The following TRPM6 variants were observed in gnomAD, a reference collection of about 807,000 sequenced individuals.
TRPM6 encodes the protein transient receptor potential cation channel subfamily M member 6.
TRPM6 carries 111 observed loss-of-function variants against 247.6 expected under a neutral mutation model. That is an observed-to-expected ratio of 0.45 (90% confidence interval 0.38 to 0.52). TRPM6 has a LOEUF of 0.52. TRPM6 is among the 20% of genes least tolerant of loss of function. TRPM6 has a pLI of 0.00. For synonymous variants in TRPM6, 892 were observed against 853.8 expected, an observed-to-expected ratio of 1.04 and a Z score of -0.78; for missense variants, 2,126 against 2,421.5, an observed-to-expected ratio of 0.88 and a Z score of 2.56.
intron 19 of TRPM6, 40 bp from the exon 20 acceptor site, chr9:74,788,782 C>A: frequency 6.2e-7 from 1 of 1,610,222 alleles, no homozygotes; most frequent in Non-Finnish European, 8.5e-7. Context: ...TGAGTGAGAG[C>A]AAGCATGGAG....
At chr9:74,729,989 T>C (rs1200301613) in intron 37 of TRPM6, among the ~76,000 whole-genome samples, 1 of 152,114 alleles carries the variant, frequency 6.6e-6, no homozygotes, top group Non-Finnish European at 1.5e-5. Flanking sequence ...TAATACCAAA[T>C]GCATATAGCA....
chr9:74,788,471 G>T, intron 20 of TRPM6, 143 bp downstream of exon 20: 1 of 958,228 alleles, frequency 1.0e-6, no homozygotes. Flanking sequence ...CCTTTATGCA[G>T]CATGTAAGTC....
chr9:74,842,250 A>G lies in TRPM6; in HGVS notation c.246T>C (p.Ser82=). Residue 82 remains serine (S), a synonymous_variant, in exon 4 of 39, where the codon TCT becomes TCC. Coordinates refer to ENST00000360774, the MANE Select transcript of TRPM6 (RefSeq NM_017662.5). ...GGCTTTTCGTTGTGTGCTTTTCAAC[A>G]GACCATTGTTCACTTTCTTTACCCT... ...AAKGKESEQW[S]VEKHTTKSPT... The G allele has an allele frequency of 6.2e-7, 1 of 1,614,206 alleles. No individual in the cohort carries two copies. Among genetic ancestry groups the G allele is most frequent in the Non-Finnish European group, 8.5e-7 (1 of 1,180,032 alleles).
chr9:74,864,826 C>A (rs1313759026), intron 1 of TRPM6, among the ~76,000 whole-genome samples: 1 of 152,144 alleles, frequency 6.6e-6, no homozygotes, highest in African/African-American at 2.4e-5. Context: ...AATCCCTGTA[C>A]TTTGGGAGGC....
intron 31 of TRPM6, among the ~76,000 whole-genome samples, chr9:74,745,741 G>A (rs1293624852): frequency 6.6e-6 from 1 of 152,206 alleles, no homozygotes; most frequent in Non-Finnish European, 1.5e-5. Context: ...ATGAGGTTGA[G>A]GGGTGGCTGG....
At chr9:74,745,518 G>A (rs1210307181) in intron 31 of TRPM6, among the ~76,000 whole-genome samples, 2 of 152,070 alleles carry the variant, frequency 1.3e-5, no homozygotes, top group Non-Finnish European at 2.9e-5. Flanking sequence ...AAAGCATGGG[G>A]AAAGGAAAGT....
chr9:74,813,874 A>T (rs1260003541), intron 11 of TRPM6, among the ~76,000 whole-genome samples: 1 of 152,246 alleles, frequency 6.6e-6, no homozygotes, highest in African/African-American at 2.4e-5. Context: ...AGGCAGGCAT[A>T]TCACCTGTGG....
At chr9:74,740,860 T>C (rs975439681) in intron 33 of TRPM6, among the ~76,000 whole-genome samples, 1 of 152,150 alleles carries the variant, frequency 6.6e-6, no homozygotes, top group African/African-American at 2.4e-5. Context: ...CTTTATATCA[T>C]AAAAAAACTT....
intron 27 of TRPM6, among the ~76,000 whole-genome samples, chr9:74,760,321 A>G (rs1160985946): frequency 6.6e-6 from 1 of 152,166 alleles, no homozygotes; most frequent in Admixed American, 6.6e-5. Flanking sequence ...CTATGTTTAG[A>G]TATGCTTAGA....
chr9:74,775,414 T>C (rs1827185139), intron 24 of TRPM6, among the ~76,000 whole-genome samples: 1 of 152,140 alleles, frequency 6.6e-6, no homozygotes, highest in Admixed American at 6.6e-5. Context: ...CCATGCTCAG[T>C]AGATTAGAGA....
At chr9:74,778,390 A>G (rs932827798) in intron 23 of TRPM6, among the ~76,000 whole-genome samples, 22 of 152,146 alleles carry the variant, frequency 1.4e-4, no homozygotes, top group African/African-American at 5.3e-4. Flanking sequence ...AAAATCAGCT[A>G]TTATGTTTGA....
intron 25 of TRPM6, among the ~76,000 whole-genome samples, chr9:74,764,373 T>C (rs1033550966): frequency 6.6e-6 from 1 of 152,104 alleles, no homozygotes; most frequent in African/African-American, 2.4e-5. Context: ...GTCCTTATAA[T>C]GTGAAATCCT....
intron 1 of TRPM6, chr9:74,875,268 T>G: frequency 2.2e-6 from 1 of 455,084 alleles, no homozygotes. Flanking sequence ...GAGGGCTGGG[T>G]GTGGTGACTC....
Position 74,762,419 on chromosome 9 carries a change from C to G in TRPM6, c.4252G>C (p.Asp1418His), listed in dbSNP as rs747082812. The G allele has an allele frequency of 3.1e-6, 5 of 1,614,200 alleles. 1 individual carries two copies. Among genetic ancestry groups the G allele is most frequent in the Middle Eastern group, 1.6e-4 (1 of 6,062 alleles). The change falls in exon 26 of 39, where the codon GAC becomes CAC. Residue 1418 changes from aspartate (D) to histidine (H), a missense_variant. Asp to His is a moderately conservative substitution (Grantham distance 81). This residue lies in a region of TRPM6 where 717 missense variants were observed against 715.9 expected (regional missense o/e 1.00). Coordinates refer to ENST00000360774, the MANE Select transcript of TRPM6 (RefSeq NM_017662.5). ...GTGGGTAGCACTTGCTCTGCCTTGT[C>G]TTGTCCATCCAGTAAGTGAGCAATA... is the stretch of plus-strand genomic sequence containing the variant. ...EPIAHLLDGQ[D>H]KAEQVLPTLS...
chr9:74,855,481 T>C, intron 3 of TRPM6, 46 bp downstream of exon 3: 3 of 1,383,708 alleles, frequency 2.2e-6, no homozygotes, highest in Non-Finnish European at 3.1e-6. Context: ...GAATTTTAAA[T>C]AGGGTGCCTA....
At chr9:74,732,582 C>T in intron 37 of TRPM6, 103 bp downstream of exon 37, 1 of 885,896 alleles carries the variant, frequency 1.1e-6, no homozygotes, top group Non-Finnish European at 1.8e-6. Flanking sequence ...AAAAACCTTT[C>T]TAGGATCTAG....
chr9:74,770,223 T>C (rs1230725912), intron 25 of TRPM6, among the ~76,000 whole-genome samples: 1 of 152,168 alleles, frequency 6.6e-6, no homozygotes, highest in South Asian at 2.1e-4. Context: ...CTTCATGTGA[T>C]TCAGTTTAAG....
intron 5 of TRPM6, among the ~76,000 whole-genome samples, chr9:74,838,282 T>G (rs974373146): frequency 1.3e-5 from 2 of 152,192 alleles, no homozygotes; most frequent in Admixed American, 1.3e-4. Flanking sequence ...GAAACTTCCC[T>G]ACCCACCCAC....
chr9:74,810,041 C>G (rs12551151), intron 13 of TRPM6, among the ~76,000 whole-genome samples: 4 of 149,806 alleles, frequency 2.7e-5, no homozygotes, highest in African/African-American at 4.9e-5. Context: ...TCTCTCTCCA[C>G]GTCAACATAA....
Sources: gnomAD v4.1 joint callset for allele counts (sites outside exome capture counted in the v4.1 genomes callset) on GRCh38, gnomAD v4.1.1 for gene constraint, gnomAD v4.1.1 regional missense constraint, MANE v1.5 for transcripts, NCBI Gene and HGNC (gene_info 2026-07-23, HGNC 2026-07-21) for gene names.